TRIM37: variants seen among roughly 807,000 people sequenced by gnomAD.
The protein encoded by TRIM37 is tripartite motif containing 37.
TRIM37 carries 80 observed loss-of-function variants against 129.8 expected under a neutral mutation model. The ratio of observed to expected loss-of-function variants is 0.62; its 90% CI spans 0.51 to 0.74. The LOEUF (loss-of-function observed/expected upper bound fraction) is 0.74. TRIM37 is among the 30% of genes least tolerant of loss of function. The pLI, the probability that TRIM37 is intolerant of heterozygous loss-of-function variation, is 0.00. For synonymous variants in TRIM37, 389 were observed against 387.1 expected (o/e 1.00, Z -0.06); for missense variants, 1,054 against 1,176.5 (o/e 0.90, Z 1.52).
rs114352528 is a variant in TRIM37 at position 59,061,243 on chromosome 17, T to C, written c.943-135A>G. On this transcript the variant is annotated intron_variant, in intron 11 of 23. Coordinates refer to ENST00000262294, the MANE Select transcript of TRIM37 (RefSeq NM_015294.6). ...TGGAAGAAATAATTAAAAACACCAA[T>C]AGATTTGAGTTCTTAACAACTTTAA... 3.4e-3 allele frequency: 2,430 copies of C among 713,390 alleles called. 42 individuals carry two copies. The African/African-American group carries it at 0.039, about 11-fold the overall frequency. 44.2% of individuals were successfully genotyped at this position (713,390 alleles called of 1,614,324 possible).
At chr17:58,969,619 C>G in the TRIM37 span, 1,709 of 1,614,126 alleles carry the variant, frequency 1.1e-3, 1 homozygote, top group Middle Eastern at 1.5e-3. Flanking sequence ...CCATTCACCT[C>G]CACGTTAACT....
At chr17:58,991,876 C>G (rs1227281250) in intron 24 of TRIM37, among the ~76,000 whole-genome samples, 1 of 152,070 alleles carries the variant, frequency 6.6e-6, no homozygotes, top group Non-Finnish European at 1.5e-5. Flanking sequence ...ACTCTACTTA[C>G]CATATGACTC....
chr17:59,063,566 C>T (rs1599285935), intron 10 of TRIM37, among the ~76,000 whole-genome samples: 1 of 152,198 alleles, frequency 6.6e-6, no homozygotes, highest in Non-Finnish European at 1.5e-5. Context: ...TTCCATGCTG[C>T]CCTCAAAGAC....
intron 10 of TRIM37, 80 bp from the exon 11 acceptor site, chr17:59,062,728 G>T: frequency 9.0e-7 from 1 of 1,108,596 alleles, no homozygotes; most frequent in Non-Finnish European, 1.4e-6. Context: ...AGACCAACCA[G>T]TTTCTTTGTT....
At chr17:59,083,562 A>T (rs957140336) in intron 5 of TRIM37, among the ~76,000 whole-genome samples, 1 of 152,178 alleles carries the variant, frequency 6.6e-6, no homozygotes, top group African/African-American at 2.4e-5. Context: ...ACTGCTCTTG[A>T]ATTCAATTGG....
At chr17:58,993,133 A>G (rs2032616822) in intron 24 of TRIM37, among the ~76,000 whole-genome samples, 2 of 152,048 alleles carry the variant, frequency 1.3e-5, no homozygotes, top group South Asian at 4.1e-4. Context: ...TATAAGGGGG[A>G]GTTTCCCTGC....
intron 3 of TRIM37, 102 bp from the exon 4 acceptor site, chr17:59,088,509 A>C: frequency 1.3e-6 from 1 of 783,014 alleles, no homozygotes. Flanking sequence ...TACTCATACC[A>C]TAACACTATT....
intron 16 of TRIM37, 96 bp from the exon 17 acceptor site, chr17:59,041,994 G>A: frequency 1.2e-6 from 1 of 824,228 alleles, no homozygotes. Flanking sequence ...ATTTTTCTGT[G>A]AAATAAGATA....
At chr17:59,049,048 A>G in intron 15 of TRIM37, 130 bp downstream of exon 15, 2 of 751,692 alleles carry the variant, frequency 2.7e-6, no homozygotes, top group Admixed American at 2.0e-5. Context: ...AAGGGCATAC[A>G]TACATTACTA....
rs189777905 is a variant in TRIM37, at chr17:59,068,031, C to T, written c.809+2792G>A. Among the ~76,000 whole-genome samples the T allele has an allele frequency of 2.0e-5, 3 of 152,312 alleles. No homozygotes were observed. The East Asian group carries it at 5.8e-4, about 29-fold the overall frequency. On this transcript the variant is annotated intron_variant, in intron 9 of 23. Coordinates refer to ENST00000262294, the MANE Select transcript of TRIM37 (RefSeq NM_015294.6). Reference sequence around the variant, plus strand: ...TGCATATCTAAAGTTTCATGTGTAACTTAATGTCACGAATGCTGATCTTTC... The same window carrying T: ...TGCATATCTAAAGTTTCATGTGTAATTTAATGTCACGAATGCTGATCTTTC...
rs760139359 is a variant in TRIM37 at position 59,049,478 on chromosome 17, G to A, written c.1315-85C>T. On this transcript the variant is annotated intron_variant, in intron 14 of 23. Coordinates refer to ENST00000262294, the MANE Select transcript of TRIM37 (RefSeq NM_015294.6). ...CTCAAGTGAAAAAAAAATGCATCCA[G>A]ATGTTTCTAAAACCATTGCTTTATT... 323 of 1,181,986 alleles carry A rather than the reference G, an allele frequency of 2.7e-4. 1 individual carries two copies. Among genetic ancestry groups the A allele is most frequent in the Non-Finnish European group, 5.6e-5 (45 of 807,202 alleles). The allele number at this position is 1,181,986 out of a possible 1,614,324, so 73.2% of individuals were successfully genotyped here. A position where few individuals can be genotyped will look rare whatever the true frequency, so the allele number is the denominator to read the frequency against.
downstream of TRIM37, among the ~76,000 whole-genome samples, chr17:58,978,224 G>C (rs758754042): frequency 3.9e-5 from 6 of 152,172 alleles, no homozygotes; most frequent in Admixed American, 6.5e-5. Flanking sequence ...TTTGGACCCA[G>C]GCAGTCTGAC....
intron 7 of TRIM37, among the ~76,000 whole-genome samples, chr17:59,077,966 A>C (rs1381338779): frequency 6.6e-6 from 1 of 151,442 alleles, no homozygotes; most frequent in East Asian, 1.9e-4. Flanking sequence ...TCTACTAAAA[A>C]TACAAAAAAT....
chr17:59,045,616 G>T (rs953169232), intron 16 of TRIM37, among the ~76,000 whole-genome samples: 7 of 149,990 alleles, frequency 4.7e-5, no homozygotes, highest in African/African-American at 1.7e-4. Context: ...TTAAGCCCGG[G>T]TGACAGTGCG....
At chr17:59,048,202 A>G (rs2040004120) in intron 15 of TRIM37, among the ~76,000 whole-genome samples, 1 of 151,990 alleles carries the variant, frequency 6.6e-6, no homozygotes, top group Non-Finnish European at 1.5e-5. Flanking sequence ...TTAAGCAAAA[A>G]CTTCCCCAAC....
chr17:59,093,094 G>A (rs1013750452), intron 2 of TRIM37, among the ~76,000 whole-genome samples: 4 of 152,136 alleles, frequency 2.6e-5, no homozygotes, highest in Admixed American at 2.6e-4. Flanking sequence ...AGGCTGCAGG[G>A]AGCCGAGACA....
rs369412845 is a variant in TRIM37, at chr17:59,024,145, G to C, written c.2257+4270C>G. Among the ~76,000 whole-genome samples the C allele has an allele frequency of 3.5e-4, 53 of 150,934 alleles. 1 individual carries two copies. The East Asian group carries it at 5.5e-3, about 16-fold the overall frequency. ...AGAAGAATCACTTGAACCCAGGAGG[G>C]GGAGGTTGCAGTGAGCCGAGATCGC... On this transcript the variant is annotated intron_variant, in intron 19 of 23. Coordinates refer to ENST00000262294, the MANE Select transcript of TRIM37 (RefSeq NM_015294.6).
chr17:59,083,407 C>T (rs1273751677), intron 5 of TRIM37, among the ~76,000 whole-genome samples: 1 of 150,784 alleles, frequency 6.6e-6, no homozygotes, highest in East Asian at 1.9e-4. Flanking sequence ...CATTGCACTC[C>T]AGCCTGGGCA....
chr17:59,004,966 G>A (rs192089228), intron 22 of TRIM37, among the ~76,000 whole-genome samples: 5 of 152,292 alleles, frequency 3.3e-5, no homozygotes, highest in African/African-American at 1.2e-4. Context: ...AAAGAGTGAA[G>A]AGTTTACAAC....
Sources: allele counts gnomAD v4.1 joint callset (sites outside exome capture counted in the v4.1 genomes callset), GRCh38; gene constraint gnomAD v4.1.1; transcripts MANE v1.5; gene names NCBI Gene and HGNC (gene_info 2026-07-23, HGNC 2026-07-21).